CEP128: variants seen among roughly 807,000 people sequenced by gnomAD.
The protein encoded by CEP128 is centrosomal protein 128kDa.
CEP128 carries 132 observed loss-of-function variants against 156.7 expected under a neutral mutation model. The observed-to-expected ratio is 0.84, with a 90% CI of 0.73 to 0.97. CEP128 has a LOEUF of 0.97. CEP128 is among the 50% of genes least tolerant of loss of function. The pLI, the probability that CEP128 is intolerant of heterozygous loss-of-function variation, is 0.00. For synonymous variants in CEP128, 469 were observed against 448.9 expected, an observed-to-expected ratio of 1.04 and a Z score of -0.57; for missense variants, 1,252 against 1,281.9, an observed-to-expected ratio of 0.98 and a Z score of 0.36.
At chr14:80,769,112 A>G (rs1286598021) in intron 16 of CEP128, among the ~76,000 whole-genome samples, 1 of 152,244 alleles carries the variant, frequency 6.6e-6, no homozygotes, top group East Asian at 1.9e-4. Context: ...ACAAACAACT[A>G]GAGTTTCAAA....
At chr14:80,494,200 T>A (rs562015917), downstream of CEP128, among the ~76,000 whole-genome samples, 2 of 152,236 alleles carry the variant, frequency 1.3e-5, no homozygotes, top group African/African-American at 4.8e-5. Context: ...ATACAAACTT[T>A]CCAAAATTTC....
intron 23 of CEP128, chr14:80,514,604 TA>T: frequency 3.3e-6 from 1 of 306,204 alleles, no homozygotes; most frequent in Non-Finnish European, 6.7e-6. Flanking sequence ...TAAGTTTATC[TA>T]ATAGGATTCT....
rs184818983 is a variant in CEP128 at position 80,692,226 on chromosome 14, G to A, written c.2806+50849C>T. Among the ~76,000 whole-genome samples, 16 of 152,314 alleles carry A rather than the reference G, an allele frequency of 1.1e-4. No homozygotes were observed. In the East Asian group the frequency reaches 3.1e-3, roughly 29 times the overall value. ...TAAAATATTTATAAGAGTTGGTGGA[G>A]TGAGCAAAGCAGTAAATGCAGAAGT... On this transcript the variant is annotated intron_variant, in intron 19 of 24. Coordinates refer to ENST00000555265, the MANE Select transcript of CEP128 (RefSeq NM_152446.5).
At chr14:80,499,771 G>C (rs1370777778) in intron 24 of CEP128, among the ~76,000 whole-genome samples, 9 of 152,184 alleles carry the variant, frequency 5.9e-5, no homozygotes, top group Non-Finnish European at 1.2e-4. Context: ...TCCTGGAGTT[G>C]TGTTCCTTTA....
At chr14:80,663,749 C>G (rs1435711270) in intron 19 of CEP128, among the ~76,000 whole-genome samples, 1 of 152,184 alleles carries the variant, frequency 6.6e-6, no homozygotes, top group Non-Finnish European at 1.5e-5. Flanking sequence ...GAGGCTCAGG[C>G]CTGCAGCCAG....
At chr14:80,658,579 C>G (rs1462257188) in intron 19 of CEP128, among the ~76,000 whole-genome samples, 1 of 152,072 alleles carries the variant, frequency 6.6e-6, no homozygotes, top group Admixed American at 6.6e-5. Context: ...AACAATACTA[C>G]AAAAGTAGGG....
At chr14:80,712,671 C>T (rs1344606713) in intron 19 of CEP128, among the ~76,000 whole-genome samples, 1 of 152,094 alleles carries the variant, frequency 6.6e-6, no homozygotes, top group Non-Finnish European at 1.5e-5. Context: ...TAGAAGGGTT[C>T]TCTGAAGTGG....
chr14:80,742,337 C>T (rs555962712), intron 19 of CEP128, among the ~76,000 whole-genome samples: 167 of 152,250 alleles, frequency 1.1e-3, no homozygotes, highest in African/African-American at 3.8e-3. Flanking sequence ...CTGAGACCTT[C>T]GAATCTCCTG....
chr14:80,934,450 C>T (rs1030673929), intron 2 of CEP128, among the ~76,000 whole-genome samples: 4 of 152,122 alleles, frequency 2.6e-5, no homozygotes, highest in East Asian at 1.9e-4. Flanking sequence ...GGTACAAACG[C>T]GAGAACCACC....
At chr14:80,932,947 T>G (rs1322120090) in intron 2 of CEP128, among the ~76,000 whole-genome samples, 1 of 152,158 alleles carries the variant, frequency 6.6e-6, no homozygotes, top group East Asian at 1.9e-4. Context: ...AAGGCGCTTC[T>G]CTTTCTGGTT....
intron 7 of CEP128, among the ~76,000 whole-genome samples, chr14:80,898,912 G>A (rs970216742): frequency 2.6e-5 from 4 of 152,092 alleles, no homozygotes; most frequent in African/African-American, 7.2e-5. Flanking sequence ...AGGCTTTGGG[G>A]CCTTACTGCC....
At chr14:80,639,023 C>T (rs1272529061) in intron 19 of CEP128, among the ~76,000 whole-genome samples, 1 of 152,052 alleles carries the variant, frequency 6.6e-6, no homozygotes, top group Non-Finnish European at 1.5e-5. Context: ...CTAATATTTG[C>T]ATTATTATGT....
chr14:80,821,474 A>G (rs1293694270), intron 13 of CEP128, among the ~76,000 whole-genome samples: 1 of 152,162 alleles, frequency 6.6e-6, no homozygotes, highest in Non-Finnish European at 1.5e-5. Context: ...TCAAATAAGT[A>G]TTCCCAAAGC....
intron 21 of CEP128, among the ~76,000 whole-genome samples, chr14:80,533,641 C>T (rs1594959046): frequency 1.3e-5 from 2 of 151,924 alleles, no homozygotes; most frequent in South Asian, 2.1e-4. Context: ...TTTCTCAGTG[C>T]AGTTATTTTT....
intron 19 of CEP128, among the ~76,000 whole-genome samples, chr14:80,594,689 G>A (rs1258784337): frequency 6.6e-6 from 1 of 152,142 alleles, no homozygotes; most frequent in Non-Finnish European, 1.5e-5. Flanking sequence ...CTCAAAGGAA[G>A]ACATTTATGC....
intron 19 of CEP128, among the ~76,000 whole-genome samples, chr14:80,600,333 A>G (rs1892527969): frequency 1.3e-5 from 2 of 152,244 alleles, no homozygotes; most frequent in Admixed American, 6.5e-5. Flanking sequence ...ACCTAGATAC[A>G]TCATAATCAA....
chr14:80,686,794 A>G lies in CEP128; in HGVS notation c.2806+56281T>C, dbSNP rs149146602. On this transcript the variant is annotated intron_variant, in intron 19 of 24. Coordinates refer to ENST00000555265, the MANE Select transcript of CEP128 (RefSeq NM_152446.5). Reference sequence around the variant, plus strand: ...TTGCAATCCTAGTTTCTGACAAAACAACCAACAAAGATTCTTGTTTAAACC... The same window carrying G: ...TTGCAATCCTAGTTTCTGACAAAACGACCAACAAAGATTCTTGTTTAAACC... 1.4e-3 allele frequency among the ~76,000 whole-genome samples: 206 copies of G among 152,238 alleles called. 2 individuals are homozygous for G. Among genetic ancestry groups the G allele is most frequent in the African/African-American group, 4.5e-3 (185 of 41,570 alleles).
chr14:80,743,250 G>C lies in CEP128; in HGVS notation c.2631C>G (p.Leu877=). Residue 877 remains leucine (L), a synonymous_variant, in exon 19 of 25, where the codon CTC becomes CTG. Coordinates refer to ENST00000555265, the MANE Select transcript of CEP128 (RefSeq NM_152446.5). ...LAESKTKLQW[L]CEELKERENR... ...TTTCTCTCTCTTTCAGTTCCTCACA[G>C]AGCCACTGAAGTTTAGTCTAAAAAA... The C allele has an allele frequency of 6.2e-7, 1 of 1,612,406 alleles. No individual in the cohort carries two copies. The highest frequency in any genetic ancestry group is 8.5e-7 in the Non-Finnish European group (1 of 1,179,104).
chr14:80,699,762 T>A (rs764794576), intron 19 of CEP128, among the ~76,000 whole-genome samples: 64 of 152,172 alleles, frequency 4.2e-4, no homozygotes, highest in Non-Finnish European at 7.5e-4. Context: ...AGAAATTCTG[T>A]GATTTATCTG....
Sources: allele counts gnomAD v4.1 joint callset (sites outside exome capture counted in the v4.1 genomes callset), GRCh38; gene constraint gnomAD v4.1.1; transcripts MANE v1.5; gene names NCBI Gene and HGNC (gene_info 2026-07-23, HGNC 2026-07-21).